Variants in TENM2 observed in about 807,000 individuals in gnomAD.
The protein encoded by TENM2 is teneurin-2.
A neutral mutation model predicts 245.2 loss-of-function variants in TENM2; 52 were observed. That is an observed-to-expected ratio of 0.21 (90% CI 0.17 to 0.27). The LOEUF (loss-of-function observed/expected upper bound fraction) is 0.27, where lower values mean the gene tolerates loss of function less well. Among genes scored for constraint, TENM2 ranks in the 10% least tolerant of loss-of-function variants. The pLI, the probability that TENM2 is intolerant of heterozygous loss-of-function variation, is 1.00. For synonymous variants in TENM2, 1,363 were observed against 1,438.9 expected (o/e 0.95, Z 1.19); for missense variants, 3,046 against 3,666.8 (o/e 0.83, Z 4.37).
chr5:167,683,249 C>CTTTTTTT (rs1554100261), intron 2 of TENM2, among the ~76,000 whole-genome samples: 3 of 67,364 alleles, frequency 4.5e-5, no homozygotes, highest in Non-Finnish European at 4.9e-5. Context: ...AGGACCATGT[C>CTTTTTTT]TTTTTTTTTT....
chr5:167,167,111 A>G, the TENM2 span, among the ~76,000 whole-genome samples: 1 of 152,150 alleles, frequency 6.6e-6, no homozygotes, highest in African/African-American at 2.4e-5. Context: ...GGGAGGTAGA[A>G]TGACAATCCT....
At chr5:167,308,382 A>G (rs1437081809) in intron 1 of TENM2, among the ~76,000 whole-genome samples, 1 of 152,224 alleles carries the variant, frequency 6.6e-6, no homozygotes, top group Non-Finnish European at 1.5e-5. Flanking sequence ...GGTGAAGTTC[A>G]TTGATGACAA....
intron 1 of TENM2, among the ~76,000 whole-genome samples, chr5:167,368,188 A>G (rs530911567): frequency 6.9e-4 from 105 of 152,158 alleles, no homozygotes; most frequent in Non-Finnish European, 1.2e-3. Flanking sequence ...AATTATCAAA[A>G]CTATATTTCA....
At chr5:167,030,427 G>A in the TENM2 span, among the ~76,000 whole-genome samples, 1 of 152,144 alleles carries the variant, frequency 6.6e-6, no homozygotes, top group Non-Finnish European at 1.5e-5. Context: ...GTCAGTGGCC[G>A]CCTTAGGTGG....
At chr5:167,121,453 A>C in the TENM2 span, among the ~76,000 whole-genome samples, 1 of 152,176 alleles carries the variant, frequency 6.6e-6, no homozygotes, top group African/African-American at 2.4e-5. Context: ...AGGTGCAAAG[A>C]CCCTAAAGCT....
the TENM2 span, among the ~76,000 whole-genome samples, chr5:167,174,717 C>G: frequency 6.6e-6 from 1 of 151,950 alleles, no homozygotes; most frequent in Non-Finnish European, 1.5e-5. Flanking sequence ...TTATGCAATA[C>G]GATATTATCA....
At chr5:167,517,246 T>C (rs989815737) in intron 2 of TENM2, among the ~76,000 whole-genome samples, 2 of 152,198 alleles carry the variant, frequency 1.3e-5, no homozygotes, top group African/African-American at 4.8e-5. Context: ...GAGAGGAAGC[T>C]GAGAAGCTTA....
chr5:167,354,497 C>G (rs1759181849), intron 1 of TENM2, among the ~76,000 whole-genome samples: 1 of 152,158 alleles, frequency 6.6e-6, no homozygotes, highest in Admixed American at 6.5e-5. Context: ...CACCCCCTCC[C>G]CTAAACCCTC....
chr5:168,020,357 C>G (rs896582982), intron 5 of TENM2, among the ~76,000 whole-genome samples: 5 of 152,184 alleles, frequency 3.3e-5, no homozygotes, highest in African/African-American at 9.7e-5. Flanking sequence ...AGACAGTACC[C>G]ACATTCCTGC....
At chr5:168,110,184 C>T (rs116210409) in intron 9 of TENM2, among the ~76,000 whole-genome samples, 1,783 of 151,768 alleles carry the variant, frequency 0.012, 29 homozygotes, top group African/African-American at 0.041. Context: ...GAAAAACTTT[C>T]GTGCTGGGAA....
At chr5:167,040,342 G>A in the TENM2 span, among the ~76,000 whole-genome samples, 1 of 152,110 alleles carries the variant, frequency 6.6e-6, no homozygotes, top group Non-Finnish European at 1.5e-5. Context: ...TAACAATTGA[G>A]GCAGTCTTTA....
In TENM2 at chr5:167,651,611, G is replaced by T. The variant is rs372046757; in HGVS notation, c.503-224375G>T. On this transcript the variant is annotated intron_variant, in intron 2 of 28. Coordinates refer to ENST00000518659, the Ensembl canonical transcript of TENM2. ...TTAGTTTTTACTTCCAAGTCTAATG[G>T]TTAACTTAAGATCTTGTTAAGTATC... 6.3e-4 allele frequency among the ~76,000 whole-genome samples: 96 copies of T among 152,180 alleles called. 1 individual carries two copies. The South Asian group carries it at 0.018, about 29-fold the overall frequency.
At chr5:167,791,472 AATT>A (rs372716347) in intron 2 of TENM2, among the ~76,000 whole-genome samples, 2 of 128,812 alleles carry the variant, frequency 1.6e-5, no homozygotes, top group African/African-American at 2.8e-5. Flanking sequence ...ATATATTTAT[AATT>A]TATTATATAT....
At chr5:168,254,486 AAGAGGAAGAGGAAGAAGG>A (rs1219723336) in intron 27 of TENM2, among the ~76,000 whole-genome samples, 1 of 149,162 alleles carries the variant, frequency 6.7e-6, no homozygotes, top group Non-Finnish European at 1.5e-5. Context: ...GAAGGGGAGG[AAGAGGAAGAGGAAGAAGG>A]GGAGGAAGAG....
chr5:167,903,643 T>C (rs377577425), intron 3 of TENM2, among the ~76,000 whole-genome samples: 9 of 152,262 alleles, frequency 5.9e-5, no homozygotes, highest in East Asian at 1.9e-4. Context: ...GGAGAAAATG[T>C]GTGCAGCTCC....
At chr5:168,026,185 C>T (rs1452095374) in intron 5 of TENM2, among the ~76,000 whole-genome samples, 3 of 152,206 alleles carry the variant, frequency 2.0e-5, no homozygotes, top group Non-Finnish European at 2.9e-5. Flanking sequence ...GCCTGTCCTT[C>T]CCTGAGGAGA....
At chr5:167,392,475 G>A (rs893983511) in intron 2 of TENM2, among the ~76,000 whole-genome samples, 1 of 152,138 alleles carries the variant, frequency 6.6e-6, no homozygotes, top group Non-Finnish European at 1.5e-5. Context: ...AGTTTACTCT[G>A]GCTGATTGTT....
the TENM2 span, among the ~76,000 whole-genome samples, chr5:167,217,182 CT>C: frequency 6.6e-6 from 1 of 151,972 alleles, no homozygotes; most frequent in Non-Finnish European, 1.5e-5. Context: ...CCATGAGTTC[CT>C]AATATATTTG....
chr5:168,101,472 C>T (rs1420222268), intron 9 of TENM2, among the ~76,000 whole-genome samples: 2 of 152,002 alleles, frequency 1.3e-5, no homozygotes, highest in Non-Finnish European at 2.9e-5. Flanking sequence ...AACGTCCATT[C>T]TACATTATGG....
Sources: allele counts gnomAD v4.1 joint callset (sites outside exome capture counted in the v4.1 genomes callset), GRCh38; gene constraint gnomAD v4.1.1; transcripts MANE v1.5; gene names NCBI Gene and HGNC (gene_info 2026-07-23, HGNC 2026-07-21).